ANGPT1: variants seen among roughly 807,000 people sequenced by gnomAD.
ANGPT1 encodes angiopoietin 1.
Under a neutral mutation model 62.2 loss-of-function variants are expected in ANGPT1, and 17 were observed. The observed-to-expected ratio is 0.27, with a 90% CI of 0.19 to 0.41. The LOEUF (loss-of-function observed/expected upper bound fraction) is 0.41. Among genes scored for constraint, ANGPT1 ranks in the 10% least tolerant of loss-of-function variants. The pLI is 1.00. For synonymous variants in ANGPT1, 199 were observed against 198.9 expected (o/e 1.00, Z 0.00); for missense variants, 478 against 594.9 (o/e 0.80, Z 2.04).
chr8:107,421,293 T>C (rs1262824288), intron 1 of ANGPT1, among the ~76,000 whole-genome samples: 1 of 152,146 alleles, frequency 6.6e-6, no homozygotes, highest in Non-Finnish European at 1.5e-5. Flanking sequence ...CAAATTGCAA[T>C]GGAAGTAGTA....
intron 1 of ANGPT1, among the ~76,000 whole-genome samples, chr8:107,354,951 C>A (rs1237041118): frequency 2.7e-5 from 4 of 150,244 alleles, no homozygotes; most frequent in Admixed American, 6.6e-5. Flanking sequence ...GTCTCTGTCA[C>A]CCAGGCTGGA....
chr8:107,274,909 G>T (rs575930237), intron 7 of ANGPT1, among the ~76,000 whole-genome samples: 6 of 152,158 alleles, frequency 3.9e-5, no homozygotes, highest in African/African-American at 1.4e-4. Context: ...TAATAATAGG[G>T]AACAGCAATT....
At chr8:107,465,206 G>A (rs1317303791) in intron 1 of ANGPT1, among the ~76,000 whole-genome samples, 1 of 152,054 alleles carries the variant, frequency 6.6e-6, no homozygotes, top group African/African-American at 2.4e-5. Context: ...CAGAATTAAT[G>A]TCAGAACTTT....
chr8:107,292,390 T>C (rs1384078629), intron 6 of ANGPT1, among the ~76,000 whole-genome samples: 2 of 152,158 alleles, frequency 1.3e-5, no homozygotes, highest in Non-Finnish European at 2.9e-5. Context: ...CCCCCTAAAC[T>C]ACTAGTAATG....
intron 1 of ANGPT1, among the ~76,000 whole-genome samples, chr8:107,486,129 G>A (rs181209713): frequency 5.9e-5 from 9 of 152,276 alleles, no homozygotes; most frequent in African/African-American, 2.2e-4. Context: ...CTTGAGAAAG[G>A]GGCAACACAT....
chr8:107,450,883 C>A (rs1390816766), intron 1 of ANGPT1, among the ~76,000 whole-genome samples: 3 of 151,718 alleles, frequency 2.0e-5, no homozygotes, highest in African/African-American at 7.3e-5. Context: ...CCTTGATTTA[C>A]CCCACAATCA....
At chr8:107,477,558 T>C (rs1812564733) in intron 1 of ANGPT1, among the ~76,000 whole-genome samples, 1 of 152,186 alleles carries the variant, frequency 6.6e-6, no homozygotes, top group Non-Finnish European at 1.5e-5. Context: ...CAATATAATT[T>C]GCACTGGGAT....
chr8:107,480,602 C>T lies in ANGPT1; in HGVS notation c.297+16660G>A, dbSNP rs902238741. The stretch of plus-strand genomic sequence containing the variant: ...TGTTTATGCCCTAATTGAAGGGGAT[C>T]GATGACTAACAGCATGAACAATAGC... On this transcript the variant is annotated intron_variant, in intron 1 of 8. Coordinates refer to ENST00000517746, the MANE Select transcript of ANGPT1 (RefSeq NM_001146.5). 2.0e-5 allele frequency among the ~76,000 whole-genome samples: 3 copies of T among 152,274 alleles called. 1 individual carries two copies. The highest frequency in any genetic ancestry group is 7.2e-5 in the African/African-American group (3 of 41,560).
intron 1 of ANGPT1, among the ~76,000 whole-genome samples, chr8:107,386,422 T>TTACAAG (rs1403607347): frequency 6.6e-6 from 1 of 152,098 alleles, no homozygotes; most frequent in East Asian, 1.9e-4. Context: ...ACACATTTAT[T>TTACAAG]TACAAGTACA....
intron 1 of ANGPT1, among the ~76,000 whole-genome samples, chr8:107,432,546 C>A (rs200420396): frequency 6.6e-6 from 1 of 151,928 alleles, no homozygotes; most frequent in East Asian, 1.9e-4. Context: ...TGACTGTAGT[C>A]CCAGCTACTC....
intron 1 of ANGPT1, among the ~76,000 whole-genome samples, chr8:107,382,777 G>C (rs1473474245): frequency 6.6e-6 from 1 of 152,126 alleles, no homozygotes; most frequent in Non-Finnish European, 1.5e-5. Flanking sequence ...GGAATGATTT[G>C]TGAAAGCCAA....
At chr8:107,392,528 A>G (rs780663284) in intron 1 of ANGPT1, among the ~76,000 whole-genome samples, 1 of 152,134 alleles carries the variant, frequency 6.6e-6, no homozygotes, top group Non-Finnish European at 1.5e-5. Context: ...AATTTTTCTC[A>G]TCAGTTTGCA....
intron 8 of ANGPT1, among the ~76,000 whole-genome samples, chr8:107,261,419 C>T (rs540590124): frequency 7.2e-5 from 11 of 152,064 alleles, no homozygotes; most frequent in African/African-American, 2.2e-4. Flanking sequence ...AGGAAAAGAA[C>T]ATGAAGCCGG....
At chr8:107,348,584 ATATAT>A (rs1273881256) in intron 1 of ANGPT1, among the ~76,000 whole-genome samples, 11 of 152,210 alleles carry the variant, frequency 7.2e-5, no homozygotes, top group African/African-American at 2.2e-4. Flanking sequence ...CAAATACAAA[ATATAT>A]TATAATAAAT....
At chr8:107,394,691 T>C (rs1392483601) in intron 1 of ANGPT1, among the ~76,000 whole-genome samples, 1 of 152,184 alleles carries the variant, frequency 6.6e-6, no homozygotes, top group Non-Finnish European at 1.5e-5. Flanking sequence ...TATCCTGAAG[T>C]GCAGAATAAA....
intron 1 of ANGPT1, among the ~76,000 whole-genome samples, chr8:107,388,943 A>G (rs146603489): frequency 6.6e-6 from 1 of 152,324 alleles, no homozygotes; most frequent in African/African-American, 2.4e-5. Context: ...AGCCTGACAT[A>G]TTGTTTATTT....
chr8:107,345,219 A>G (rs111240209), intron 2 of ANGPT1, among the ~76,000 whole-genome samples: 7 of 152,310 alleles, frequency 4.6e-5, no homozygotes, highest in African/African-American at 1.7e-4. Flanking sequence ...CACTGTATCT[A>G]ATAAACTTTC....
chr8:107,435,088 T>G lies in ANGPT1; in HGVS notation c.297+62174A>C, dbSNP rs1811296869. The stretch of plus-strand genomic sequence containing the variant: ...GGTGGATATTAAAATAATATTTTCA[T>G]AGTAGTTGGAGCTGGGAAGGAGAAA... On this transcript the variant is annotated intron_variant, in intron 1 of 8. Coordinates refer to ENST00000517746, the MANE Select transcript of ANGPT1 (RefSeq NM_001146.5). 2.6e-5 allele frequency among the ~76,000 whole-genome samples: 4 copies of G among 152,162 alleles called. No individual in the cohort carries two copies. The South Asian group carries it at 8.3e-4, about 32-fold the overall frequency.
chr8:107,481,532 C>CAAAAAAAAAAA (rs71562147), intron 1 of ANGPT1, among the ~76,000 whole-genome samples: 14 of 64,316 alleles, frequency 2.2e-4, no homozygotes, highest in African/African-American at 9.2e-4. Flanking sequence ...GACTCTGTCT[C>CAAAAAAAAAAA]AAAAAAAAAA....
Sources: gnomAD v4.1 joint callset for allele counts (sites outside exome capture counted in the v4.1 genomes callset) on GRCh38, gnomAD v4.1.1 for gene constraint, MANE v1.5 for transcripts, NCBI Gene and HGNC (gene_info 2026-07-23, HGNC 2026-07-21) for gene names.